UBXN7: variants seen among roughly 807,000 people sequenced by gnomAD.
UBXN7 encodes the protein UBX domain-containing protein 7.
A neutral mutation model predicts 58.0 loss-of-function variants in UBXN7; 9 were observed. The observed-to-expected ratio is 0.16, with a 90% CI of 0.09 to 0.27. The LOEUF (loss-of-function observed/expected upper bound fraction) is 0.27. Ranked by LOEUF, UBXN7 falls within the 10% of genes least tolerant of loss-of-function variation. The pLI is 1.00. For missense variants in UBXN7, 328 were observed against 599.6 expected (o/e 0.55, Z 4.73); for synonymous variants, 208 against 205.0 (o/e 1.01, Z -0.12).
intron 10 of UBXN7, among the ~76,000 whole-genome samples, chr3:196,357,370 T>C (rs1308993763): frequency 6.6e-6 from 1 of 152,182 alleles, no homozygotes; most frequent in East Asian, 1.9e-4. Context: ...AGAATCAGCC[T>C]AATTATCTCC....
chr3:196,412,243 AAAAAAAG>A (rs1560240124), intron 1 of UBXN7, among the ~76,000 whole-genome samples: 6 of 107,476 alleles, frequency 5.6e-5, no homozygotes, highest in South Asian at 3.2e-4. Flanking sequence ...AAAAAAAAAA[AAAAAAAG>A]AAAAAAGAAA....
intron 1 of UBXN7, chr3:196,423,270 T>A (rs1560245389): frequency 6.5e-6 from 1 of 153,670 alleles, no homozygotes; most frequent in East Asian, 1.9e-4. Flanking sequence ...CACCGCAACA[T>A]GTAAGTGTTT....
At chr3:196,417,114 C>G (rs368674235) in intron 1 of UBXN7, among the ~76,000 whole-genome samples, 262 of 152,152 alleles carry the variant, frequency 1.7e-3, no homozygotes, top group Middle Eastern at 0.014. Flanking sequence ...GAGATCGAGA[C>G]CATCCTGGCT....
chr3:196,356,680 T>C lies in UBXN7; in HGVS notation c.*5A>G, dbSNP rs1560216262. ...GGGTAAGCTGAGAGAGGTCAAGCCA[T>C]GGTGTTAATTTCTTTCCTGTACAAA... On this transcript the variant is annotated 3_prime_UTR_variant, in exon 11 of 11. Coordinates refer to ENST00000296328, the MANE Select transcript of UBXN7 (RefSeq NM_015562.2). 6.3e-7 allele frequency: 1 copy of C among 1,593,544 alleles called. No individual in the cohort carries two copies. Among genetic ancestry groups the C allele is most frequent in the Non-Finnish European group, 8.5e-7 (1 of 1,174,778 alleles).
Position 196,393,540 on chromosome 3 carries a change from C to T in UBXN7, c.355+14G>A, listed in dbSNP as rs376511121. 8.1e-6 allele frequency: 13 copies of T among 1,609,592 alleles called. No individual in the cohort carries two copies. The highest frequency in any genetic ancestry group is 1.1e-5 in the Non-Finnish European group (13 of 1,177,592). On this transcript the variant is annotated intron_variant, in intron 4 of 10. Coordinates refer to ENST00000296328, the MANE Select transcript of UBXN7 (RefSeq NM_015562.2). ...GAGAAGAGGGAGATGATAAACTGGT[C>T]CATAGATACCTACTAGTTTCAGTCT...
Position 196,372,045 on chromosome 3 carries a change from G to T in UBXN7, c.469-3C>A. 1.3e-6 allele frequency: 2 copies of T among 1,591,508 alleles called. No homozygotes were observed. Among genetic ancestry groups the T allele is most frequent in the Non-Finnish European group, 1.7e-6 (2 of 1,169,798 alleles). On this transcript the variant is annotated splice_region_variant and splice_polypyrimidine_tract_variant and intron_variant, in intron 5 of 10. Transcript: ENST00000296328. ...TGCATCTGGCCACACTCTTTGGCCT[G>T]CAAGAGTAAAGTTACACATTTGTTA...
intron 5 of UBXN7, among the ~76,000 whole-genome samples, chr3:196,391,312 T>C (rs1010743679): frequency 5.9e-5 from 9 of 152,194 alleles, no homozygotes; most frequent in Admixed American, 6.5e-5. Context: ...GGTAGAAATA[T>C]ATTTCATATA....
At chr3:196,380,935 T>C (rs892741059) in intron 5 of UBXN7, among the ~76,000 whole-genome samples, 43 of 152,250 alleles carry the variant, frequency 2.8e-4, no homozygotes, top group African/African-American at 9.4e-4. Flanking sequence ...GGGAGGGGCG[T>C]CCGCCATTGC....
intron 8 of UBXN7, 127 bp downstream of exon 8, chr3:196,367,901 C>T (rs1192636389): frequency 8.4e-6 from 11 of 1,311,246 alleles, no homozygotes; most frequent in Non-Finnish European, 1.1e-5. Context: ...ATCTAAGATG[C>T]TATAGCCACA....
rs772483417 is a variant in UBXN7, at chr3:196,361,867, G to A, written c.1285C>T (p.Leu429Phe). 2.4e-5 allele frequency: 38 copies of A among 1,613,082 alleles called. No individual in the cohort carries two copies. Among genetic ancestry groups the A allele is most frequent in the Non-Finnish European group, 3.1e-5 (37 of 1,179,914 alleles). ...YPDGKREQIT[L>F]PEQAKLLALV... ...ACTAGCAGTTTAGCTTGCTCTGGAA[G>A]AGTGATCTGTTCCCTTTTTCCATCT... The change falls in exon 10 of 11, where the codon CTT (leucine) becomes TTT (phenylalanine). Residue 429 changes from leucine (L) to phenylalanine (F), a missense_variant. By Grantham distance (22) the Leu-to-Phe change is conservative (BLOSUM62 0). Around this residue, in one of 4 missense-constraint regions of UBXN7, gnomAD observed 30 missense variants for 94.8 expected, o/e 0.32. Coordinates refer to ENST00000296328, the MANE Select transcript of UBXN7 (RefSeq NM_015562.2).
chr3:196,369,116 G>A lies in UBXN7; in HGVS notation c.706+305C>T, dbSNP rs192025676. 2.0e-3 allele frequency among the ~76,000 whole-genome samples: 302 copies of A among 152,134 alleles called. 6 individuals are homozygous for A. The highest frequency in any genetic ancestry group is 0.017 in the Admixed American group (257 of 15,260). ...TGGGATTACAGGCATGAGCCACCAC[G>A]CCCAGCTGGTAAAAAAACTTTTAAA... is the stretch of plus-strand genomic sequence containing the variant. On this transcript the variant is annotated intron_variant, in intron 7 of 10. Coordinates refer to ENST00000296328, the MANE Select transcript of UBXN7 (RefSeq NM_015562.2).
chr3:196,356,239 G>T lies in UBXN7; in HGVS notation c.*446C>A, dbSNP rs1728343541. The T allele has an allele frequency of 6.5e-6, 1 of 153,032 alleles. No homozygotes were observed. The highest frequency in any genetic ancestry group is 1.5e-5 in the Non-Finnish European group (1 of 68,404). 9.5% of individuals were successfully genotyped at this position (153,032 alleles called of 1,614,324 possible). ...ATTTCTTCTCCCTGCTAAACACGGG[G>T]ACTTACAAAAAAGGGAGGGTTGTTC... On this transcript the variant is annotated 3_prime_UTR_variant, in exon 11 of 11. Coordinates refer to ENST00000296328, the MANE Select transcript of UBXN7 (RefSeq NM_015562.2).
At position 196,362,749 on chromosome 3, in the gene UBXN7, C is replaced by A. The variant is rs907487369; in HGVS notation, c.835-62G>T. The A allele has an allele frequency of 4.6e-6, 7 of 1,524,350 alleles. No homozygotes were observed. The East Asian group carries it at 1.1e-4, about 25-fold the overall frequency. 94.4% of individuals were successfully genotyped at this position (1,524,350 alleles called of 1,614,324 possible). A position where few individuals can be genotyped will look rare whatever the true frequency, so the allele number is the denominator to read the frequency against. ...AAGTTAAACCAAAAAACAAGTCAAACGGCATAAGAAATATAATAGCTTGCC... is the reference window on the plus strand; with the variant it reads ...AAGTTAAACCAAAAAACAAGTCAAAAGGCATAAGAAATATAATAGCTTGCC... On this transcript the variant is annotated intron_variant, in intron 8 of 10. Transcript: ENST00000296328.
intron 5 of UBXN7, among the ~76,000 whole-genome samples, chr3:196,372,295 G>T (rs1728861115): frequency 2.7e-5 from 3 of 112,100 alleles, no homozygotes; most frequent in Non-Finnish European, 4.0e-5. Context: ...TGTTATAATA[G>T]CTGATTCTCT....
intron 8 of UBXN7, among the ~76,000 whole-genome samples, chr3:196,367,043 T>A (rs1362664178): frequency 6.6e-6 from 1 of 151,880 alleles, no homozygotes; most frequent in Non-Finnish European, 1.5e-5. Flanking sequence ...ATTAGCCAGA[T>A]GCAGTGGTGT....
intron 3 of UBXN7, chr3:196,400,659 G>A (rs1263562351): frequency 7.5e-6 from 2 of 265,502 alleles, no homozygotes; most frequent in Non-Finnish European, 1.5e-5. Flanking sequence ...AGGAATCCTT[G>A]AGCCCAGGAG....
intron 1 of UBXN7, among the ~76,000 whole-genome samples, chr3:196,417,724 T>TAAAAAAAA (rs749981900): frequency 6.3e-5 from 2 of 31,630 alleles, no homozygotes; most frequent in Non-Finnish European, 5.6e-5. Flanking sequence ...GCAAAATGGT[T>TAAAAAAAA]AAAAAAAAAA....
At chr3:196,389,813 G>A (rs1165088201) in intron 5 of UBXN7, among the ~76,000 whole-genome samples, 1 of 152,072 alleles carries the variant, frequency 6.6e-6, no homozygotes, top group Non-Finnish European at 1.5e-5. Context: ...AGCTTACATT[G>A]AAATTCCTTC....
rs1311065572 is a variant in UBXN7, at chr3:196,362,459, A to C, written c.1063T>G (p.Leu355Val). 6.2e-7 allele frequency: 1 copy of C among 1,613,886 alleles called. No homozygotes were observed. Among genetic ancestry groups the C allele is most frequent in the East Asian group, 2.2e-5 (1 of 44,886 alleles). ...CTATTCTCCTCTTTTCTATGCCCCA[A>C]ATCTTTGTGGGGAGACTTTCTGGAC... ...AKSRKSPHKD[L>V]GHRKEENRRP... The change falls in exon 9 of 11, where the codon TTG (leucine) becomes GTG (valine). Residue 355 changes from leucine to valine, a missense_variant. Coordinates refer to ENST00000296328, the MANE Select transcript of UBXN7 (RefSeq NM_015562.2).
Sources: allele counts gnomAD v4.1 joint callset (sites outside exome capture counted in the v4.1 genomes callset), GRCh38; gene constraint gnomAD v4.1.1; regional missense constraint gnomAD v4.1.1; transcripts MANE v1.5; gene names NCBI Gene and HGNC (gene_info 2026-07-23, HGNC 2026-07-21).